The following SDK1 variants were observed in gnomAD, a reference collection of about 807,000 sequenced individuals.
The protein encoded by SDK1 is sidekick cell adhesion molecule 1, also known as protein sidekick-1.
In SDK1, 157 loss-of-function variants were observed where a neutral mutation model predicts 245.5. That is an observed-to-expected ratio of 0.64 (90% CI 0.56 to 0.73). The LOEUF (loss-of-function observed/expected upper bound fraction) is 0.73. Ranked by LOEUF, SDK1 falls within the 30% of genes least tolerant of loss-of-function variation. The pLI is 0.00. For synonymous variants in SDK1, 1,647 were observed against 1,278.5 expected (o/e 1.29, Z -6.15); for missense variants, 3,583 against 3,002.3 (o/e 1.19, Z -4.52).
intron 1 of SDK1, among the ~76,000 whole-genome samples, chr7:3,469,841 C>T (rs1191426645): frequency 6.6e-6 from 1 of 152,066 alleles, no homozygotes; most frequent in Non-Finnish European, 1.5e-5. Context: ...GAAAATGCTT[C>T]CTAAGATTTC....
chr7:3,586,021 G>A (rs907007159), intron 1 of SDK1, among the ~76,000 whole-genome samples: 1 of 152,270 alleles, frequency 6.6e-6, no homozygotes, highest in East Asian at 1.9e-4. Context: ...CTGATTGAGT[G>A]GAAGAGAGCT....
intron 1 of SDK1, among the ~76,000 whole-genome samples, chr7:3,564,251 T>C (rs567376551): frequency 6.6e-6 from 1 of 152,064 alleles, no homozygotes; most frequent in Non-Finnish European, 1.5e-5. Context: ...CCTGACATGA[T>C]AGAGAAGGTT....
At chr7:4,028,601 G>A (rs1386168838) in intron 17 of SDK1, among the ~76,000 whole-genome samples, 2 of 152,204 alleles carry the variant, frequency 1.3e-5, no homozygotes, top group Non-Finnish European at 2.9e-5. Context: ...GTGAACCAGT[G>A]AAAACACACG....
rs112353777 is a variant in SDK1 at position 4,094,351 on chromosome 7, C to T, written c.3324+14767C>T. 1.1e-3 allele frequency among the ~76,000 whole-genome samples: 167 copies of T among 152,260 alleles called. 1 individual carries two copies. The highest frequency in any genetic ancestry group is 3.8e-3 in the African/African-American group (156 of 41,556). On this transcript the variant is annotated intron_variant, in intron 22 of 44. Coordinates refer to ENST00000404826, the MANE Select transcript of SDK1 (RefSeq NM_152744.4). ...TGCTGGTATTATAGGTGTGAGCCAC[C>T]GCGCCCGGCCCAGCCGGGGGTTTGA...
intron 1 of SDK1, among the ~76,000 whole-genome samples, chr7:3,519,422 A>G (rs981541459): frequency 6.6e-6 from 1 of 152,108 alleles, no homozygotes; most frequent in Admixed American, 6.6e-5. Flanking sequence ...AAATAAAAAT[A>G]AAAGTGTGAG....
chr7:3,516,939 T>C (rs1337124813), intron 1 of SDK1, among the ~76,000 whole-genome samples: 1 of 152,200 alleles, frequency 6.6e-6, no homozygotes, highest in Non-Finnish European at 1.5e-5. Flanking sequence ...TGCCTGCTGT[T>C]CTCAGATGTT....
intron 1 of SDK1, among the ~76,000 whole-genome samples, chr7:3,461,944 G>A (rs1268928119): frequency 1.3e-5 from 2 of 152,020 alleles, no homozygotes; most frequent in Non-Finnish European, 2.9e-5. Flanking sequence ...AGTTTCATCG[G>A]CATTTAAGCA....
intron 5 of SDK1, among the ~76,000 whole-genome samples, chr7:3,855,304 A>G (rs1780518198): frequency 1.3e-5 from 2 of 152,028 alleles, no homozygotes; most frequent in South Asian, 4.2e-4. Context: ...AAAGAGAGAC[A>G]CCCACTCAAC....
intron 5 of SDK1, among the ~76,000 whole-genome samples, chr7:3,850,935 C>T (rs1780404868): frequency 6.6e-6 from 1 of 151,940 alleles, no homozygotes; most frequent in South Asian, 2.1e-4. Flanking sequence ...TGCAGAACAC[C>T]AACATGGCAC....
chr7:3,623,368 G>A lies in SDK1; in HGVS notation c.458+4129G>A, dbSNP rs543251174. Among the ~76,000 whole-genome samples the A allele has an allele frequency of 1.8e-4, 27 of 150,824 alleles. No homozygotes were observed. The South Asian group carries it at 4.8e-3, about 27-fold the overall frequency. On this transcript the variant is annotated intron_variant, in intron 2 of 44. Coordinates refer to ENST00000404826, the MANE Select transcript of SDK1 (RefSeq NM_152744.4). Reference sequence around the variant, plus strand: ...TCTCAAGCGATTGTCAGCCTCCTGCGTAGCTGGGACTACAGGCATGTGTCA... The same window carrying A: ...TCTCAAGCGATTGTCAGCCTCCTGCATAGCTGGGACTACAGGCATGTGTCA...
rs1562467110 is a variant in SDK1 at position 3,405,372 on chromosome 7, A to G, written c.298+103488A>G. Among the ~76,000 whole-genome samples the G allele has an allele frequency of 1.3e-5, 2 of 152,134 alleles. 1 individual carries two copies. Among genetic ancestry groups the G allele is most frequent in the Non-Finnish European group, 2.9e-5 (2 of 68,020 alleles). Reference sequence around the variant, plus strand: ...CTTATCACTGCACAAAGGAGCACAGATTTTAAACACTGAAGTGCCCAAGTT... The same window carrying G: ...CTTATCACTGCACAAAGGAGCACAGGTTTTAAACACTGAAGTGCCCAAGTT... On this transcript the variant is annotated intron_variant, in intron 1 of 44. Coordinates refer to ENST00000404826, the MANE Select transcript of SDK1 (RefSeq NM_152744.4).
At chr7:3,636,664 G>T (rs1409492621) in intron 2 of SDK1, among the ~76,000 whole-genome samples, 3 of 152,184 alleles carry the variant, frequency 2.0e-5, no homozygotes, top group African/African-American at 4.8e-5. Context: ...TGCAGTAGAC[G>T]TGGGAGGGCA....
At chr7:4,051,579 A>G (rs552710078) in intron 18 of SDK1, 59 bp from the exon 19 acceptor site, 7 of 1,422,348 alleles carry the variant, frequency 4.9e-6, no homozygotes, top group East Asian at 4.8e-5. Context: ...TGCTGCAGAC[A>G]TGAGTGTGGA....
intron 12 of SDK1, 23 bp downstream of exon 12, chr7:3,971,591 C>T: frequency 9.2e-6 from 14 of 1,518,158 alleles, no homozygotes; most frequent in Non-Finnish European, 1.3e-5. Context: ...AGTTACAATG[C>T]TTTGGGGCTT....
In SDK1 at chr7:3,980,789, A is replaced by G. The variant is rs927358904; in HGVS notation, c.1994+6244A>G. On this transcript the variant is annotated intron_variant, in intron 13 of 44. Transcript: ENST00000404826. The stretch of plus-strand genomic sequence containing the variant: ...AAACCCTGTCTCTACTAAAAATACA[A>G]AAATTAGCCGGGCGTGGTGTTGGGC... Among the ~76,000 whole-genome samples the G allele has an allele frequency of 2.6e-5, 4 of 152,136 alleles. No individual in the cohort carries two copies. In the East Asian group the frequency reaches 5.8e-4, roughly 22 times the overall value.
intron 44 of SDK1, among the ~76,000 whole-genome samples, chr7:4,264,212 AGGCCGCGTAGACCTCTCCTGAGTG>A (rs1583204478): frequency 2.7e-4 from 9 of 33,118 alleles, no homozygotes; most frequent in African/African-American, 8.5e-4. Context: ...TGAGTGGGGG[AGGCCGCGTAGACCTCTCCTGAGTG>A]GGGAGGCCGC....
chr7:3,674,182 G>A (rs998014593), intron 4 of SDK1, among the ~76,000 whole-genome samples: 5 of 152,194 alleles, frequency 3.3e-5, no homozygotes, highest in African/African-American at 1.2e-4. Context: ...AAAGATAAGG[G>A]AAAGACAGCA....
At chr7:3,492,977 G>A (rs1781908890) in intron 1 of SDK1, among the ~76,000 whole-genome samples, 1 of 152,140 alleles carries the variant, frequency 6.6e-6, no homozygotes, top group African/African-American at 2.4e-5. Context: ...TTGAGACGGA[G>A]TCTTGCTCTC....
At chr7:3,815,522 T>G (rs1431882898) in intron 4 of SDK1, among the ~76,000 whole-genome samples, 1 of 150,072 alleles carries the variant, frequency 6.7e-6, no homozygotes, top group Non-Finnish European at 1.5e-5. Context: ...TTGCCAGTAT[T>G]TTATTGAGGA....
Sources: gnomAD v4.1 joint callset for allele counts (sites outside exome capture counted in the v4.1 genomes callset) on GRCh38, gnomAD v4.1.1 for gene constraint, MANE v1.5 for transcripts, NCBI Gene and HGNC (gene_info 2026-07-23, HGNC 2026-07-21) for gene names.